Variants in VPS41 observed in about 807,000 individuals in gnomAD.
The protein encoded by VPS41 is vacuolar protein sorting-associated protein 41 homolog.
Under a neutral mutation model 130.9 loss-of-function variants are expected in VPS41, and 85 were observed. The ratio of observed to expected loss-of-function variants is 0.65; its 90% CI spans 0.55 to 0.78. VPS41 has a LOEUF of 0.78. Ranked by LOEUF, VPS41 falls within the 30% of genes least tolerant of loss-of-function variation. The pLI is 0.00. For missense variants in VPS41, 874 were observed against 1,018.7 expected (o/e 0.86, Z 1.93); for synonymous variants, 335 against 332.9 (o/e 1.01, Z -0.07).
chr7:38,814,619 T>C (rs933185922), intron 7 of VPS41, among the ~76,000 whole-genome samples: 1 of 151,884 alleles, frequency 6.6e-6, no homozygotes, highest in Non-Finnish European at 1.5e-5. Flanking sequence ...CACTGCACTC[T>C]AGCCTGGGCG....
intron 4 of VPS41, among the ~76,000 whole-genome samples, chr7:38,856,635 A>G (rs1352615312): frequency 1.3e-5 from 2 of 152,186 alleles, no homozygotes; most frequent in African/African-American, 4.8e-5. Context: ...AGAGGAGAGA[A>G]GTATACCAGG....
intron 17 of VPS41, among the ~76,000 whole-genome samples, chr7:38,762,776 A>T (rs1398469845): frequency 6.6e-6 from 1 of 152,194 alleles, no homozygotes; most frequent in Non-Finnish European, 1.5e-5. Flanking sequence ...AGCTTATGAA[A>T]ATAAAAACAA....
intron 4 of VPS41, among the ~76,000 whole-genome samples, chr7:38,861,193 C>T (rs1786103443): frequency 6.6e-6 from 1 of 152,124 alleles, no homozygotes; most frequent in Non-Finnish European, 1.5e-5. Flanking sequence ...GGTATATGTC[C>T]ATGAACCTTA....
chr7:38,779,901 A>G (rs1184026970), intron 10 of VPS41, among the ~76,000 whole-genome samples: 1 of 152,204 alleles, frequency 6.6e-6, no homozygotes, highest in African/African-American at 2.4e-5. Flanking sequence ...TATATTTCAA[A>G]TTTTCAGTGG....
intron 2 of VPS41, among the ~76,000 whole-genome samples, chr7:38,886,844 T>C (rs1786743049): frequency 6.6e-6 from 1 of 152,158 alleles, no homozygotes; most frequent in African/African-American, 2.4e-5. Flanking sequence ...GCAGCAATAT[T>C]TGCTGTTCTG....
At chr7:38,827,039 C>T (rs937053276) in intron 5 of VPS41, among the ~76,000 whole-genome samples, 12 of 152,050 alleles carry the variant, frequency 7.9e-5, no homozygotes, top group African/African-American at 2.4e-4. Context: ...AGGATGGTCT[C>T]GATTTCCTGA....
intron 23 of VPS41, among the ~76,000 whole-genome samples, chr7:38,744,307 T>C (rs895928364): frequency 2.0e-4 from 30 of 152,272 alleles, no homozygotes; most frequent in African/African-American, 7.2e-4. Context: ...TGGTTGTAGG[T>C]TGTCACCCTT....
intron 7 of VPS41, among the ~76,000 whole-genome samples, chr7:38,814,690 C>T (rs559212422): frequency 2.6e-4 from 40 of 152,158 alleles, no homozygotes; most frequent in Admixed American, 1.6e-3. Flanking sequence ...TAAACCAACA[C>T]AGCAAAATCT....
intron 5 of VPS41, among the ~76,000 whole-genome samples, chr7:38,824,558 C>T (rs1301488144): frequency 6.6e-6 from 1 of 152,106 alleles, no homozygotes; most frequent in East Asian, 1.9e-4. Context: ...AAATCCTATT[C>T]TTCTACATGC....
intron 3 of VPS41, among the ~76,000 whole-genome samples, chr7:38,864,518 A>G (rs1479895677): frequency 1.3e-5 from 2 of 152,214 alleles, no homozygotes; most frequent in Non-Finnish European, 2.9e-5. Flanking sequence ...TAGATAAATT[A>G]GTGTTATCCA....
chr7:38,835,255 TTAC>T (rs1401641975), intron 4 of VPS41, among the ~76,000 whole-genome samples: 1 of 151,980 alleles, frequency 6.6e-6, no homozygotes, highest in Non-Finnish European at 1.5e-5. Flanking sequence ...TATTAATTTC[TTAC>T]TATTATTCCT....
At chr7:38,895,686 A>T (rs1006330020) in intron 2 of VPS41, among the ~76,000 whole-genome samples, 2 of 151,992 alleles carry the variant, frequency 1.3e-5, no homozygotes, top group East Asian at 3.9e-4. Flanking sequence ...GTTTCTGGGC[A>T]CCCTTAATTT....
intron 4 of VPS41, among the ~76,000 whole-genome samples, chr7:38,854,299 A>C (rs986551854): frequency 6.6e-6 from 1 of 152,236 alleles, no homozygotes; most frequent in Non-Finnish European, 1.5e-5. Flanking sequence ...TAATGATGCC[A>C]CATCTAGAAC....
intron 10 of VPS41, among the ~76,000 whole-genome samples, chr7:38,784,205 C>G (rs1290788237): frequency 1.3e-5 from 2 of 152,262 alleles, no homozygotes; most frequent in Non-Finnish European, 2.9e-5. Flanking sequence ...TTGCTTTTCA[C>G]CACAACCACC....
chr7:38,867,317 G>A (rs1258791673), intron 3 of VPS41, among the ~76,000 whole-genome samples: 5 of 151,848 alleles, frequency 3.3e-5, no homozygotes, highest in South Asian at 4.1e-4. Context: ...AGGCTGAGGC[G>A]GGTGGATCAC....
intron 22 of VPS41, among the ~76,000 whole-genome samples, chr7:38,751,612 A>C (rs1375106423): frequency 2.0e-5 from 3 of 152,244 alleles, no homozygotes; most frequent in Non-Finnish European, 4.4e-5. Context: ...TACCAAAATG[A>C]GTAAGACAAA....
chr7:38,894,320 C>T (rs1786931633), intron 2 of VPS41, among the ~76,000 whole-genome samples: 1 of 152,174 alleles, frequency 6.6e-6, no homozygotes, highest in Non-Finnish European at 1.5e-5. Flanking sequence ...GCTTACTACA[C>T]TTACAAGGCC....
At position 38,816,527 on chromosome 7, in the gene VPS41, C is replaced by T. The variant is rs375539476; in HGVS notation, c.450+1290G>A. Among the ~76,000 whole-genome samples, 252 of 152,284 alleles carry T rather than the reference C, an allele frequency of 1.7e-3. 1 individual carries two copies. Among genetic ancestry groups the T allele is most frequent in the Middle Eastern group, 3.4e-3 (1 of 294 alleles). On this transcript the variant is annotated intron_variant, in intron 7 of 28. Transcript: ENST00000310301. ...CTACAGAAATAGCTATAGACTACTT[C>T]CTTTTCACTGGCTCCAAACCGAATA...
chr7:38,751,084 T>C (rs896040020), intron 22 of VPS41, among the ~76,000 whole-genome samples: 6 of 152,206 alleles, frequency 3.9e-5, no homozygotes, highest in Non-Finnish European at 8.8e-5. Context: ...AAAATGCTAA[T>C]GTCGTTTTAT....
Sources: allele counts gnomAD v4.1 joint callset (sites outside exome capture counted in the v4.1 genomes callset), GRCh38; gene constraint gnomAD v4.1.1; transcripts MANE v1.5; gene names NCBI Gene and HGNC (gene_info 2026-07-23, HGNC 2026-07-21).